The following RB1 variants were observed in gnomAD, a reference collection of about 807,000 sequenced individuals.
The protein encoded by RB1 is RB transcriptional corepressor 1.
A neutral mutation model predicts 135.4 loss-of-function variants in RB1; 18 were observed. The observed-to-expected ratio is 0.13, with a 90% confidence interval of 0.09 to 0.20. The LOEUF is 0.20. RB1 is among the 10% of genes least tolerant of loss of function. The pLI is 1.00. For missense variants in RB1, 868 were observed against 1,110.0 expected, an observed-to-expected ratio of 0.78 and a Z score of 3.10; for synonymous variants, 365 against 373.2, an observed-to-expected ratio of 0.98 and a Z score of 0.25.
At position 48,319,427 on chromosome 13, in the gene RB1, C is replaced by T; in HGVS notation, c.264+12021C>T. On this transcript the variant is annotated intron_variant, in intron 2 of 26. Transcript: ENST00000267163. The surrounding 1 kb of genome is among the most constrained non-coding windows in gnomAD (Gnocchi z 5.0). The stretch of plus-strand genomic sequence containing the variant: ...TGGAGTCTGACGCCTCGGGCGCCTG[C>T]GCCGCACTTGTGACTTGCTTTCCCC... 2.7e-6 allele frequency: 1 copy of T among 370,028 alleles called. No individual in the cohort carries two copies. The highest frequency in any genetic ancestry group is 3.7e-5 in the Admixed American group (1 of 26,806). The allele number at this position is 370,028 out of a possible 1,614,324, so 22.9% of individuals were successfully genotyped here. A position where few individuals can be genotyped will look rare whatever the true frequency, so the allele number is the denominator to read the frequency against.
At chr13:48,317,566 G>T in intron 2 of RB1, 1 of 430,344 alleles carries the variant, frequency 2.3e-6, no homozygotes. Context: ...CTGAATAAAA[G>T]CACTTCTGGC....
intron 2 of RB1, among the ~76,000 whole-genome samples, chr13:48,308,100 T>G (rs1952100443): frequency 6.6e-6 from 1 of 151,864 alleles, no homozygotes; most frequent in Non-Finnish European, 1.5e-5. Context: ...TATATTCCTT[T>G]CATTTTTTCT....
intron 17 of RB1, among the ~76,000 whole-genome samples, chr13:48,443,841 A>G (rs1214103527): frequency 6.6e-6 from 1 of 152,232 alleles, no homozygotes; most frequent in Non-Finnish European, 1.5e-5. Context: ...ATAAGCTGAA[A>G]AACATTTTTG....
At chr13:48,356,261 G>A (rs928442143) in intron 6 of RB1, among the ~76,000 whole-genome samples, 3 of 151,884 alleles carry the variant, frequency 2.0e-5, no homozygotes, top group Admixed American at 6.6e-5. Context: ...TATACATTTT[G>A]ATTAAAAAGA....
At chr13:48,307,520 A>G (rs1952092225) in intron 2 of RB1, 114 bp downstream of exon 2, 1 of 1,137,658 alleles carries the variant, frequency 8.8e-7, no homozygotes, top group Admixed American at 2.2e-5. Context: ...AAAGCTAATA[A>G]TAATTCCATT....
intron 17 of RB1, chr13:48,411,927 T>G (rs1318485114): frequency 6.2e-7 from 1 of 1,612,760 alleles, no homozygotes; most frequent in South Asian, 1.1e-5. Flanking sequence ...AAAGCAGGCT[T>G]CTGAGGCATT....
intron 13 of RB1, among the ~76,000 whole-genome samples, chr13:48,379,103 C>G (rs2138139864): frequency 6.6e-6 from 1 of 152,260 alleles, no homozygotes; most frequent in African/African-American, 2.4e-5. Context: ...GGACAGCTAT[C>G]TTGAAAATAC....
At chr13:48,409,242 G>T (rs1948768009) in intron 17 of RB1, among the ~76,000 whole-genome samples, 1 of 148,656 alleles carries the variant, frequency 6.7e-6, no homozygotes. Flanking sequence ...TGGAACTCCT[G>T]GGCTGAAGGC....
chr13:48,363,443 G>A (rs1341097748), intron 8 of RB1, among the ~76,000 whole-genome samples: 3 of 152,116 alleles, frequency 2.0e-5, no homozygotes, highest in Non-Finnish European at 2.9e-5. Context: ...TGTAGTCCCA[G>A]CTACTTGGAA....
chr13:48,441,396 A>G (rs1347173118), intron 17 of RB1, among the ~76,000 whole-genome samples: 1 of 152,206 alleles, frequency 6.6e-6, no homozygotes, highest in Non-Finnish European at 1.5e-5. Flanking sequence ...TAGGGCAAGA[A>G]TGACCAACGG....
intron 23 of RB1, among the ~76,000 whole-genome samples, chr13:48,466,725 A>G (rs1170159693): frequency 1.0e-5 from 1 of 99,398 alleles, no homozygotes; most frequent in Non-Finnish European, 2.1e-5. Flanking sequence ...GAGCTGATGG[A>G]GCTGAAAACC....
intron 1 of RB1, among the ~76,000 whole-genome samples, chr13:48,305,390 C>T (rs977599784): frequency 2.0e-5 from 3 of 152,190 alleles, no homozygotes; most frequent in African/African-American, 4.8e-5. Context: ...TTAAAAACCA[C>T]GTCTGGGGCA....
chr13:48,309,427 A>G (rs1368724721), intron 2 of RB1, among the ~76,000 whole-genome samples: 1 of 152,210 alleles, frequency 6.6e-6, no homozygotes, highest in Non-Finnish European at 1.5e-5. Context: ...ATGATTTCCA[A>G]AGAATTGAAC....
intron 7 of RB1, 54 bp downstream of exon 7, chr13:48,360,181 A>AAGC (rs1409832053): frequency 6.2e-7 from 1 of 1,605,932 alleles, no homozygotes; most frequent in Non-Finnish European, 8.5e-7. Context: ...TTGCTTATTG[A>AAGC]ATGTCTAGTG....
At chr13:48,313,370 A>G (rs7985403) in intron 2 of RB1, among the ~76,000 whole-genome samples, 3,292 of 139,558 alleles carry the variant, frequency 0.024, 103 homozygotes, top group African/African-American at 0.082. Flanking sequence ...CCAGTTTTCT[A>G]TTTTTTTTTT....
At chr13:48,386,468 G>C (rs1442987101) in intron 17 of RB1, among the ~76,000 whole-genome samples, 2 of 152,198 alleles carry the variant, frequency 1.3e-5, no homozygotes. Flanking sequence ...GCTGTCTTGA[G>C]GAAAAATACT....
intron 23 of RB1, among the ~76,000 whole-genome samples, chr13:48,465,819 C>A (rs1294248546): frequency 1.3e-5 from 2 of 151,156 alleles, no homozygotes; most frequent in Non-Finnish European, 3.0e-5. Flanking sequence ...AAAATCGGGT[C>A]ACTCCCACCC....
intron 17 of RB1, among the ~76,000 whole-genome samples, chr13:48,397,790 A>C (rs1202687639): frequency 6.6e-6 from 1 of 152,216 alleles, no homozygotes; most frequent in African/African-American, 2.4e-5. Flanking sequence ...ACAAAATTTT[A>C]AGCTTTTTTG....
chr13:48,385,620 G>A (rs1329115199), intron 17 of RB1, among the ~76,000 whole-genome samples: 2 of 152,112 alleles, frequency 1.3e-5, no homozygotes, highest in Non-Finnish European at 2.9e-5. Flanking sequence ...AAGGGAAAGA[G>A]CCAAGAAAGG....
Sources: gnomAD v4.1 joint callset for allele counts (sites outside exome capture counted in the v4.1 genomes callset) on GRCh38, gnomAD v4.1.1 for gene constraint, Gnocchi (gnomAD v3.1) non-coding constraint, MANE v1.5 for transcripts, NCBI Gene and HGNC (gene_info 2026-07-23, HGNC 2026-07-21) for gene names.